The following AGBL4 variants were observed in gnomAD, a reference collection of about 807,000 sequenced individuals.
AGBL4 encodes AGBL carboxypeptidase 4, also known as cytosolic carboxypeptidase 6.
Under a neutral mutation model 66.4 loss-of-function variants are expected in AGBL4, and 58 were observed. That is an observed-to-expected ratio of 0.87 (90% CI 0.71 to 1.09). AGBL4 has a LOEUF of 1.09. Among genes scored for constraint, AGBL4 ranks in the 50% least tolerant of loss-of-function variants. The pLI, the probability that AGBL4 is intolerant of heterozygous loss-of-function variation, is 0.00. For synonymous variants in AGBL4, 234 were observed against 222.9 expected (o/e 1.05, Z -0.44); for missense variants, 579 against 631.0 (o/e 0.92, Z 0.88).
chr1:48,682,584 G>T (rs1009973028), intron 6 of AGBL4, among the ~76,000 whole-genome samples: 3 of 151,990 alleles, frequency 2.0e-5, no homozygotes, highest in Non-Finnish European at 4.4e-5. Flanking sequence ...TGTAGGGAGG[G>T]GCCTTGCTAT....
intron 3 of AGBL4, among the ~76,000 whole-genome samples, chr1:49,675,532 C>T (rs1315772979): frequency 1.3e-5 from 2 of 151,994 alleles, no homozygotes; most frequent in East Asian, 3.9e-4. Context: ...AACAAATCTA[C>T]ACATGTACCC....
intron 4 of AGBL4, among the ~76,000 whole-genome samples, chr1:49,086,466 C>T (rs769764334): frequency 2.0e-5 from 3 of 152,108 alleles, no homozygotes; most frequent in Non-Finnish European, 4.4e-5. Flanking sequence ...GGCCCCACTT[C>T]TGTGTAAACT....
intron 3 of AGBL4, among the ~76,000 whole-genome samples, chr1:49,281,201 C>G (rs1173169513): frequency 1.3e-5 from 2 of 152,200 alleles, no homozygotes; most frequent in Non-Finnish European, 2.9e-5. Context: ...GATGGGCTCT[C>G]TCACACAAAA....
At chr1:49,898,921 A>G (rs1649490032) in intron 1 of AGBL4, among the ~76,000 whole-genome samples, 1 of 152,158 alleles carries the variant, frequency 6.6e-6, no homozygotes, top group African/African-American at 2.4e-5. Flanking sequence ...TAAAAATTAT[A>G]CCAAACTGAA....
At chr1:49,201,131 A>G (rs954143526) in intron 4 of AGBL4, among the ~76,000 whole-genome samples, 4 of 152,192 alleles carry the variant, frequency 2.6e-5, no homozygotes, top group Admixed American at 1.3e-4. Flanking sequence ...AGGGCTCTAT[A>G]TTAGATGGGC....
chr1:49,499,187 T>A (rs1340715813), intron 3 of AGBL4, among the ~76,000 whole-genome samples: 1 of 151,868 alleles, frequency 6.6e-6, no homozygotes, highest in Non-Finnish European at 1.5e-5. Context: ...AAGAGATGGG[T>A]TTTCTTTTAT....
At chr1:49,115,248 T>A (rs1175246010) in intron 4 of AGBL4, among the ~76,000 whole-genome samples, 2 of 152,172 alleles carry the variant, frequency 1.3e-5, no homozygotes, top group African/African-American at 2.4e-5. Context: ...ATTTTACAGA[T>A]GGGAACTTGT....
rs1271079827 is a variant in AGBL4 at position 48,736,284 on chromosome 1, C to T, written c.635-73043G>A. 3.1e-6 allele frequency: 5 copies of T among 1,614,054 alleles called. No homozygotes were observed. The highest frequency in any genetic ancestry group is 4.2e-6 in the Non-Finnish European group (5 of 1,180,030). On this transcript the variant is annotated intron_variant, in intron 6 of 13. Transcript: ENST00000371839. The surrounding 1 kb of genome is among the most constrained non-coding windows in gnomAD (Gnocchi z 4.0). ...TGAGGCGAGAGGGGTGGTTTAGGGA[C>T]TGCATCTTTCTTTTTTTTTGTGGCG... is the stretch of plus-strand genomic sequence containing the variant.
chr1:49,830,497 C>T (rs1182181049), intron 2 of AGBL4, among the ~76,000 whole-genome samples: 1 of 152,114 alleles, frequency 6.6e-6, no homozygotes, highest in Non-Finnish European at 1.5e-5. Flanking sequence ...TTTGTAGATT[C>T]TGGATATTAG....
intron 2 of AGBL4, among the ~76,000 whole-genome samples, chr1:49,763,991 C>T (rs1652537188): frequency 6.6e-6 from 1 of 152,140 alleles, no homozygotes; most frequent in Non-Finnish European, 1.5e-5. Context: ...CAGCCCTGTT[C>T]CCACCTGGCC....
intron 3 of AGBL4, among the ~76,000 whole-genome samples, chr1:49,424,638 CT>C (rs1279092032): frequency 2.0e-5 from 3 of 152,198 alleles, no homozygotes; most frequent in Non-Finnish European, 2.9e-5. Context: ...GGCCTCATAT[CT>C]TTGTGGAAAA....
intron 1 of AGBL4, among the ~76,000 whole-genome samples, chr1:49,962,351 T>C (rs1191064528): frequency 6.6e-6 from 1 of 152,156 alleles, no homozygotes; most frequent in Admixed American, 6.6e-5. Flanking sequence ...GTGGTAGTTT[T>C]AAAAGCTCCA....
intron 4 of AGBL4, among the ~76,000 whole-genome samples, chr1:49,128,374 T>C (rs78479802): frequency 0.012 from 1,825 of 152,166 alleles, 31 homozygotes; most frequent in African/African-American, 0.042. Context: ...GTAATTTATA[T>C]AGCAATGCAA....
chr1:49,413,035 G>A (rs1645349442), intron 3 of AGBL4, among the ~76,000 whole-genome samples: 1 of 152,078 alleles, frequency 6.6e-6, no homozygotes. Flanking sequence ...GGTGGAACTT[G>A]ATACCAGAAT....
At chr1:49,456,226 A>T (rs566692301) in intron 3 of AGBL4, among the ~76,000 whole-genome samples, 2 of 151,820 alleles carry the variant, frequency 1.3e-5, no homozygotes, top group South Asian at 4.1e-4. Flanking sequence ...GGCTAGGGAT[A>T]CTCCCTTCAT....
chr1:49,414,414 T>C (rs926679452), intron 3 of AGBL4, among the ~76,000 whole-genome samples: 9 of 152,204 alleles, frequency 5.9e-5, no homozygotes, highest in Admixed American at 5.9e-4. Flanking sequence ...ATACTCTAGT[T>C]TGTAATTTAA....
chr1:49,019,876 C>A (rs74679282), intron 5 of AGBL4, among the ~76,000 whole-genome samples: 4,809 of 152,278 alleles, frequency 0.032, 135 homozygotes, highest in Non-Finnish European at 0.05. Context: ...TCTCTTTGCA[C>A]CTCAGTTTCC....
intron 9 of AGBL4, among the ~76,000 whole-genome samples, chr1:48,604,693 C>A (rs145065815): frequency 6.6e-6 from 1 of 152,192 alleles, no homozygotes; most frequent in Non-Finnish European, 1.5e-5. Flanking sequence ...GGGATACTGG[C>A]GGGCTTTTCT....
At chr1:48,797,096 T>C (rs1235152150) in intron 6 of AGBL4, among the ~76,000 whole-genome samples, 10 of 152,206 alleles carry the variant, frequency 6.6e-5, no homozygotes, top group East Asian at 1.9e-4. Flanking sequence ...TTTGATGGTG[T>C]AGAGAATAGA....
Sources: allele counts gnomAD v4.1 joint callset (sites outside exome capture counted in the v4.1 genomes callset), GRCh38; gene constraint gnomAD v4.1.1; non-coding constraint Gnocchi (gnomAD v3.1); transcripts MANE v1.5; gene names NCBI Gene and HGNC (gene_info 2026-07-23, HGNC 2026-07-21).